Variants in ITK observed in about 807,000 individuals in gnomAD.
ITK encodes the protein tyrosine-protein kinase ITK/TSK.
Under a neutral mutation model 87.6 loss-of-function variants are expected in ITK, and 45 were observed. The observed-to-expected ratio is 0.51, with a 90% CI of 0.40 to 0.66. The LOEUF (loss-of-function observed/expected upper bound fraction) is 0.66. ITK is among the 30% of genes least tolerant of loss of function. The pLI, the probability that ITK is intolerant of heterozygous loss-of-function variation, is 0.00. For missense variants in ITK, 605 were observed against 766.3 expected (o/e 0.79, Z 2.48); for synonymous variants, 303 against 273.6 (o/e 1.11, Z -1.06).
chr5:157,245,966 C>A lies in ITK; in HGVS notation c.1600C>A (p.Arg534Ser). The change falls in exon 15 of 17, where the codon CGC becomes AGC. Residue 534 changes from arginine (R) to serine (S), a missense_variant. Transcript: ENST00000422843. ...WASPEVFSFSRYSSKSDVWSF... is the reference protein window; with the variant it reads ...WASPEVFSFSSYSSKSDVWSF... ...ATCCCCAGAGGTTTTCTCTTTCAGTCGCTATAGCAGCAAGTCCGATGTGTG... is the reference window on the plus strand; with the variant it reads ...ATCCCCAGAGGTTTTCTCTTTCAGTAGCTATAGCAGCAAGTCCGATGTGTG... 6.2e-7 allele frequency: 1 copy of A among 1,613,846 alleles called. No individual in the cohort carries two copies. Among genetic ancestry groups the A allele is most frequent in the Non-Finnish European group, 8.5e-7 (1 of 1,179,768 alleles).
intron 8 of ITK, among the ~76,000 whole-genome samples, chr5:157,236,719 G>A (rs1350223605): frequency 1.3e-5 from 2 of 152,138 alleles, no homozygotes; most frequent in Non-Finnish European, 2.9e-5. Context: ...ATAGACTTCA[G>A]ATTTTTTAAT....
At chr5:157,233,932 CATAT>C (rs201838461) in intron 8 of ITK, among the ~76,000 whole-genome samples, 870 of 21,508 alleles carry the variant, frequency 0.04, 38 homozygotes, top group African/African-American at 0.11. Context: ...CTTACTGATA[CATAT>C]ATATATATAT....
At chr5:157,193,481 G>T (rs531505014) in intron 1 of ITK, among the ~76,000 whole-genome samples, 2 of 152,042 alleles carry the variant, frequency 1.3e-5, no homozygotes, top group Admixed American at 6.6e-5. Context: ...ATGAGTTCTC[G>T]CTGTGTTTCA....
At chr5:157,229,568 AAT>A (rs1216566470) in intron 7 of ITK, among the ~76,000 whole-genome samples, 2 of 152,218 alleles carry the variant, frequency 1.3e-5, no homozygotes, top group Non-Finnish European at 2.9e-5. Context: ...TTCAAAAAAA[AAT>A]GTTAATATCA....
At chr5:157,236,580 A>G (rs1179542001) in intron 8 of ITK, among the ~76,000 whole-genome samples, 1 of 152,126 alleles carries the variant, frequency 6.6e-6, no homozygotes, top group Non-Finnish European at 1.5e-5. Flanking sequence ...GATCTTGTCT[A>G]ACTCTGACCT....
Position 157,182,457 on chromosome 5 carries a change from A to G in ITK, c.138+1342A>G, listed in dbSNP as rs1038506143. On this transcript the variant is annotated intron_variant, in intron 1 of 16. Transcript: ENST00000422843. ...ACAGAAAACAAAAAAGTTGCAGGCG[A>G]AATAGCTCTGCCTCTTTAGAAGTGA... is the stretch of plus-strand genomic sequence containing the variant. 3.9e-5 allele frequency among the ~76,000 whole-genome samples: 6 copies of G among 152,178 alleles called. 1 individual carries two copies. The highest frequency in any genetic ancestry group is 1.3e-4 in the Admixed American group (2 of 15,254).
chr5:157,194,044 G>C (rs1325359642), intron 1 of ITK, among the ~76,000 whole-genome samples: 1 of 152,116 alleles, frequency 6.6e-6, no homozygotes, highest in African/African-American at 2.4e-5. Context: ...TTTACCCAAG[G>C]AAGCAAAGTG....
chr5:157,234,394 T>A (rs1754734323), intron 8 of ITK, among the ~76,000 whole-genome samples: 1 of 152,190 alleles, frequency 6.6e-6, no homozygotes. Context: ...TGGATAGAAT[T>A]GAATGACATT....
At chr5:157,221,152 A>C (rs1428406100) in intron 5 of ITK, among the ~76,000 whole-genome samples, 2 of 152,174 alleles carry the variant, frequency 1.3e-5, no homozygotes, top group Admixed American at 6.5e-5. Flanking sequence ...ACATGACTGC[A>C]CTGGAAGACA....
chr5:157,245,600 T>C (rs1027859946), intron 13 of ITK, 126 bp from the exon 14 acceptor site: 1 of 779,226 alleles, frequency 1.3e-6, no homozygotes, highest in Admixed American at 2.0e-5. Flanking sequence ...TTTGTAAAGC[T>C]CCATGATGCC....
At chr5:157,243,342 A>G (rs985366188) in intron 11 of ITK, among the ~76,000 whole-genome samples, 4 of 152,252 alleles carry the variant, frequency 2.6e-5, no homozygotes, top group Non-Finnish European at 5.9e-5. Flanking sequence ...GAAAAATGGG[A>G]CATTGCAAGA....
intron 16 of ITK, among the ~76,000 whole-genome samples, chr5:157,249,803 GA>G (rs1755105593): frequency 6.6e-6 from 1 of 152,058 alleles, no homozygotes; most frequent in Non-Finnish European, 1.5e-5. Context: ...CAGAAACAAA[GA>G]AACAATAGAG....
chr5:157,227,589 A>G (rs144884238), intron 6 of ITK, among the ~76,000 whole-genome samples: 544 of 152,254 alleles, frequency 3.6e-3, no homozygotes, highest in Non-Finnish European at 5.7e-3. Context: ...TGACTATAAA[A>G]TGATAGTACT....
At chr5:157,228,449 C>G in intron 7 of ITK, 88 bp downstream of exon 7, 1 of 786,298 alleles carries the variant, frequency 1.3e-6, no homozygotes, top group Non-Finnish European at 2.3e-6. Flanking sequence ...TGTAAAAATA[C>G]CAGATGATCC....
chr5:157,242,058 A>G (rs17054386), intron 11 of ITK, among the ~76,000 whole-genome samples: 3,047 of 152,302 alleles, frequency 0.02, 45 homozygotes, highest in Middle Eastern at 0.044. Context: ...GTTTCCACCT[A>G]TCTTCTAGAA....
Position 157,252,955 on chromosome 5 carries a change from C to A in ITK, c.*277C>A. ...CTCTTGTCACATGTGGTGCACAAACCTCAACCTGACAGCTTTCAGACAGCA... is the reference window on the plus strand; with the variant it reads ...CTCTTGTCACATGTGGTGCACAAACATCAACCTGACAGCTTTCAGACAGCA... On this transcript the variant is annotated 3_prime_UTR_variant, in exon 17 of 17. Coordinates refer to ENST00000422843, the MANE Select transcript of ITK (RefSeq NM_005546.4). 1 of 507,666 alleles carries A rather than the reference C, an allele frequency of 2.0e-6. No individual in the cohort carries two copies. 31.4% of individuals were successfully genotyped at this position (507,666 alleles called of 1,614,324 possible).
chr5:157,223,044 T>C, intron 6 of ITK, 30 bp downstream of exon 6: 1 of 1,613,376 alleles, frequency 6.2e-7, no homozygotes, highest in East Asian at 2.2e-5. Flanking sequence ...GCTGTCCCCG[T>C]GTTTGAGGTG....
intron 1 of ITK, among the ~76,000 whole-genome samples, chr5:157,196,967 T>G (rs572761987): frequency 6.6e-6 from 1 of 152,300 alleles, no homozygotes; most frequent in Admixed American, 6.5e-5. Context: ...TTGGAAAATA[T>G]CACTTAGTTC....
chr5:157,214,299 A>C lies in ITK; in HGVS notation c.434A>C (p.Gln145Pro), dbSNP rs372432770. The C allele has an allele frequency of 1.9e-6, 3 of 1,613,510 alleles. No individual in the cohort carries two copies. The highest frequency in any genetic ancestry group is 1.7e-6 in the Non-Finnish European group (2 of 1,179,410). ...GAGAAGCTTGCAACAGGCTGTGCCC[A>C]ATATGATCCAACCAAGAATGGTAAG... ...QLEKLATGCA[Q>P]YDPTKNASKK... The change falls in exon 4 of 17, where the codon CAA becomes CCA. Residue 145 changes from glutamine (Q) to proline (P), a missense_variant. This residue lies in a region of ITK where 464 missense variants were observed against 578.0 expected (regional missense o/e 0.80). Transcript: ENST00000422843.
Sources: gnomAD v4.1 joint callset for allele counts (sites outside exome capture counted in the v4.1 genomes callset) on GRCh38, gnomAD v4.1.1 for gene constraint, gnomAD v4.1.1 regional missense constraint, MANE v1.5 for transcripts, NCBI Gene and HGNC (gene_info 2026-07-23, HGNC 2026-07-21) for gene names.